The following SPMAP2L variants were observed in gnomAD, a reference collection of about 807,000 sequenced individuals.
The protein encoded by SPMAP2L is sperm microtubule associated protein 2-like.
At chr4:56,550,086 ATTG>A in the SPMAP2L span, among the ~76,000 whole-genome samples, 3 of 152,230 alleles carry the variant, frequency 2.0e-5, no homozygotes, top group African/African-American at 7.2e-5. Context: ...ATTTATTATT[ATTG>A]TTTAGCTCAT....
chr4:56,563,026 A>G, the SPMAP2L span, among the ~76,000 whole-genome samples: 2 of 149,746 alleles, frequency 1.3e-5, no homozygotes, highest in South Asian at 4.2e-4. Context: ...ATGAATTTTT[A>G]ATTATATCCA....
the SPMAP2L span, chr4:56,552,478 GAGCA>G: frequency 1.2e-6 from 1 of 811,466 alleles, no homozygotes; most frequent in Non-Finnish European, 2.1e-6. Flanking sequence ...CCCCTCCTAT[GAGCA>G]GGAGTCATCT....
chr4:56,624,082 C>T, the SPMAP2L span, among the ~76,000 whole-genome samples: 1 of 152,146 alleles, frequency 6.6e-6, no homozygotes, highest in African/African-American at 2.4e-5. Context: ...CAATGAAATC[C>T]AGGCTGAAGT....
At chr4:56,564,874 A>G in the SPMAP2L span, among the ~76,000 whole-genome samples, 2 of 152,080 alleles carry the variant, frequency 1.3e-5, no homozygotes, top group African/African-American at 2.4e-5. Flanking sequence ...CTTAATTTTC[A>G]TTTAGTTGAA....
the SPMAP2L span, among the ~76,000 whole-genome samples, chr4:56,610,905 A>T: frequency 6.6e-6 from 1 of 152,194 alleles, no homozygotes; most frequent in African/African-American, 2.4e-5. Flanking sequence ...ATACCACCTT[A>T]CTCCTGAAAG....
chr4:56,608,217 A>G, the SPMAP2L span, among the ~76,000 whole-genome samples: 81 of 152,288 alleles, frequency 5.3e-4, 1 homozygote, highest in Admixed American at 1.4e-3. Flanking sequence ...GCTTCCCTTG[A>G]CTGCTTGTAA....
At chr4:56,552,585 G>A in the SPMAP2L span, 1 of 1,527,630 alleles carries the variant, frequency 6.5e-7, no homozygotes, top group South Asian at 1.2e-5. Flanking sequence ...ATCTTTCAAA[G>A]CCTAAAAAGC....
At chr4:56,553,168 G>A in the SPMAP2L span, among the ~76,000 whole-genome samples, 3 of 140,506 alleles carry the variant, frequency 2.1e-5, no homozygotes, top group Middle Eastern at 3.7e-3. Context: ...ATATTTTTTG[G>A]ATCTCCTATT....
the SPMAP2L span, among the ~76,000 whole-genome samples, chr4:56,600,086 T>C: frequency 2.1e-5 from 3 of 145,002 alleles, no homozygotes; most frequent in East Asian, 2.1e-4. Context: ...ATTTTTGTTT[T>C]TCTTTGCTTT....
the SPMAP2L span, chr4:56,596,622 C>T: frequency 0.016 from 23,793 of 1,519,752 alleles, 498 homozygotes; most frequent in African/African-American, 0.082. Flanking sequence ...GTGAACTGCC[C>T]ATCCGTCCTG....
the SPMAP2L span, among the ~76,000 whole-genome samples, chr4:56,609,739 A>G: frequency 6.6e-6 from 1 of 152,174 alleles, no homozygotes; most frequent in South Asian, 2.1e-4. Flanking sequence ...GAGAGAGTTC[A>G]TCCCTTTTTC....
the SPMAP2L span, chr4:56,595,496 T>A: frequency 6.4e-7 from 1 of 1,561,940 alleles, no homozygotes; most frequent in East Asian, 2.2e-5. Context: ...CCGCTGAAGA[T>A]GTCTCCACAC....
chr4:56,607,995 G>GAAAAAAAAAAAAAAAAAAAAAAA, the SPMAP2L span, among the ~76,000 whole-genome samples: 1 of 72,306 alleles, frequency 1.4e-5, no homozygotes, highest in Admixed American at 1.7e-4. Context: ...CCTGTCTCAA[G>GAAAAAAAAAAAAAAAAAAAAAAA]AAAAAAAAAA....
chr4:56,547,396 C>A, the SPMAP2L span, among the ~76,000 whole-genome samples: 2,093 of 152,206 alleles, frequency 0.014, 33 homozygotes, highest in Non-Finnish European at 0.017. Context: ...CAGGCACACA[C>A]CACTATGAGT....
At chr4:56,579,501 G>A in the SPMAP2L span, among the ~76,000 whole-genome samples, 1 of 151,976 alleles carries the variant, frequency 6.6e-6, no homozygotes, top group South Asian at 2.1e-4. Flanking sequence ...AGGGCATGGT[G>A]GTTCACATCT....
the SPMAP2L span, among the ~76,000 whole-genome samples, chr4:56,574,797 T>C: frequency 6.6e-6 from 1 of 150,498 alleles, no homozygotes; most frequent in African/African-American, 2.5e-5. Flanking sequence ...CTGGGGAACA[T>C]AGTGAAACCC....
chr4:56,578,215 G>T, the SPMAP2L span, among the ~76,000 whole-genome samples: 3 of 152,070 alleles, frequency 2.0e-5, no homozygotes, highest in Non-Finnish European at 4.4e-5. Flanking sequence ...ATAAATAAAA[G>T]TACAAAGGAG....
At chr4:56,540,769 A>G in the SPMAP2L span, among the ~76,000 whole-genome samples, 1 of 152,286 alleles carries the variant, frequency 6.6e-6, no homozygotes, top group African/African-American at 2.4e-5. Flanking sequence ...CACCGCTGCT[A>G]TTTTCTCTGG....
the SPMAP2L span, among the ~76,000 whole-genome samples, chr4:56,620,176 A>G: frequency 2.6e-5 from 4 of 152,224 alleles, no homozygotes; most frequent in Non-Finnish European, 5.9e-5. Context: ...TTCACAAGGA[A>G]AGGAAAGTCA....
Sources: gnomAD v4.1 joint callset for allele counts (sites outside exome capture counted in the v4.1 genomes callset) on GRCh38, gnomAD v4.1.1 for gene constraint, MANE v1.5 for transcripts, NCBI Gene and HGNC (gene_info 2026-07-23, HGNC 2026-07-21) for gene names.